PAK1: variants seen among roughly 807,000 people sequenced by gnomAD.
The protein encoded by PAK1 is serine/threonine-protein kinase PAK 1.
A neutral mutation model predicts 67.4 loss-of-function variants in PAK1; 29 were observed. That is an observed-to-expected ratio of 0.43 (90% confidence interval 0.32 to 0.59). The LOEUF (loss-of-function observed/expected upper bound fraction) is 0.59, where lower values mean the gene tolerates loss of function less well. PAK1 is among the 20% of genes least tolerant of loss of function. PAK1 has a pLI of 0.07. For missense variants in PAK1, 337 were observed against 670.7 expected (o/e 0.50, Z 5.50); for synonymous variants, 223 against 237.4 (o/e 0.94, Z 0.56).
At chr11:77,434,471 GT>G (rs1215238855) in intron 1 of PAK1, among the ~76,000 whole-genome samples, 1 of 151,744 alleles carries the variant, frequency 6.6e-6, no homozygotes, top group Non-Finnish European at 1.5e-5. Context: ...AGGGGATGGG[GT>G]ATTGCTATGT....
At chr11:77,400,038 C>T (rs973216955) in intron 1 of PAK1, among the ~76,000 whole-genome samples, 1 of 151,776 alleles carries the variant, frequency 6.6e-6, no homozygotes, top group African/African-American at 2.4e-5. Flanking sequence ...TGAAATTTTA[C>T]CTAATAAAAT....
chr11:77,516,838 C>A, the PAK1 span, among the ~76,000 whole-genome samples: 224 of 95,362 alleles, frequency 2.3e-3, no homozygotes, highest in Middle Eastern at 6.0e-3. Context: ...CCCCATCTCT[C>A]AAAAAAAAAA....
At chr11:77,442,594 A>T (rs924192060) in intron 1 of PAK1, among the ~76,000 whole-genome samples, 1 of 152,156 alleles carries the variant, frequency 6.6e-6, no homozygotes, top group Non-Finnish European at 1.5e-5. Flanking sequence ...CCTGGGCAAC[A>T]GTTTGGCTGT....
chr11:77,330,468 A>T (rs1941212801), intron 14 of PAK1, among the ~76,000 whole-genome samples: 1 of 152,246 alleles, frequency 6.6e-6, no homozygotes, highest in South Asian at 2.1e-4. Flanking sequence ...CAGAGCCCTC[A>T]GAAATAACGC....
At chr11:77,391,263 TA>T (rs752056350) in intron 2 of PAK1, among the ~76,000 whole-genome samples, 8 of 151,972 alleles carry the variant, frequency 5.3e-5, no homozygotes, top group Non-Finnish European at 1.0e-4. Context: ...AACAAAGGAG[TA>T]AAGAGACAGA....
the PAK1 span, among the ~76,000 whole-genome samples, chr11:77,494,964 C>T: frequency 6.6e-6 from 1 of 151,496 alleles, no homozygotes; most frequent in Non-Finnish European, 1.5e-5. Context: ...GGGTTCGAGA[C>T]CAACCTGGCC....
intron 1 of PAK1, among the ~76,000 whole-genome samples, chr11:77,448,831 T>C (rs921410570): frequency 6.6e-6 from 1 of 152,206 alleles, no homozygotes; most frequent in Admixed American, 6.5e-5. Flanking sequence ...AGGTAGTCAT[T>C]TGAGAAACTC....
the PAK1 span, among the ~76,000 whole-genome samples, chr11:77,515,290 A>G: frequency 6.6e-6 from 1 of 152,124 alleles, no homozygotes; most frequent in Non-Finnish European, 1.5e-5. Flanking sequence ...CATTTTTCTC[A>G]TTTGTGTCAT....
chr11:77,501,397 C>G, the PAK1 span, among the ~76,000 whole-genome samples: 1 of 152,254 alleles, frequency 6.6e-6, no homozygotes, highest in African/African-American at 2.4e-5. Flanking sequence ...TCTCTCTTCT[C>G]TCTACTCCCT....
chr11:77,357,503 T>C (rs941008856), intron 6 of PAK1, among the ~76,000 whole-genome samples: 1 of 152,202 alleles, frequency 6.6e-6, no homozygotes, highest in Non-Finnish European at 1.5e-5. Flanking sequence ...ATATATCTCT[T>C]TGAAGACAGA....
chr11:77,465,850 A>G (rs983086266), intron 1 of PAK1, among the ~76,000 whole-genome samples: 1 of 152,150 alleles, frequency 6.6e-6, no homozygotes, highest in Non-Finnish European at 1.5e-5. Context: ...CTCGGAGACT[A>G]AAGTGAGACG....
chr11:77,391,282 G>C (rs906981128), intron 2 of PAK1, among the ~76,000 whole-genome samples: 1 of 152,188 alleles, frequency 6.6e-6, no homozygotes, highest in Non-Finnish European at 1.5e-5. Context: ...AGAGACAAAG[G>C]AGTAAAGAGA....
At chr11:77,343,436 C>G (rs1002760002) in intron 10 of PAK1, among the ~76,000 whole-genome samples, 1 of 152,152 alleles carries the variant, frequency 6.6e-6, no homozygotes, top group African/African-American at 2.4e-5. Flanking sequence ...GTTCTGCACA[C>G]TGCATTTTAA....
the PAK1 span, among the ~76,000 whole-genome samples, chr11:77,496,162 G>T: frequency 6.6e-6 from 1 of 151,726 alleles, no homozygotes; most frequent in Non-Finnish European, 1.5e-5. Context: ...GGGACTACAG[G>T]CGCCCACCAC....
At chr11:77,349,709 T>A (rs1336136013) in intron 8 of PAK1, among the ~76,000 whole-genome samples, 1 of 152,076 alleles carries the variant, frequency 6.6e-6, no homozygotes, top group African/African-American at 2.4e-5. Flanking sequence ...GCTTCTCTCC[T>A]CTCCTCCATC....
At chr11:77,529,510 C>T in the PAK1 span, among the ~76,000 whole-genome samples, 1 of 152,138 alleles carries the variant, frequency 6.6e-6, no homozygotes, top group South Asian at 2.1e-4. Flanking sequence ...GATTCTATGT[C>T]TATTCTTATT....
chr11:77,420,272 C>CT (rs1302598696), intron 1 of PAK1, among the ~76,000 whole-genome samples: 2 of 152,144 alleles, frequency 1.3e-5, no homozygotes, highest in African/African-American at 4.8e-5. Context: ...TAACTTGGTC[C>CT]TTCTTGGAAA....
intron 1 of PAK1, among the ~76,000 whole-genome samples, chr11:77,394,396 G>A (rs1951565602): frequency 6.6e-6 from 1 of 151,814 alleles, no homozygotes; most frequent in African/African-American, 2.4e-5. Context: ...TACCGCTTTA[G>A]GCATCAATTA....
At chr11:77,429,093 AAC>A (rs1491243884) in intron 1 of PAK1, among the ~76,000 whole-genome samples, 5,267 of 106,168 alleles carry the variant, frequency 0.05, 1,037 homozygotes, top group African/African-American at 0.27. Flanking sequence ...AAAAAAAAAA[AAC>A]ACACACACAC....
Sources: gnomAD v4.1 joint callset for allele counts (sites outside exome capture counted in the v4.1 genomes callset) on GRCh38, gnomAD v4.1.1 for gene constraint, MANE v1.5 for transcripts, NCBI Gene and HGNC (gene_info 2026-07-23, HGNC 2026-07-21) for gene names.